Variants in CHL1 observed in about 807,000 individuals in gnomAD.
CHL1 encodes cell adhesion molecule L1 like.
In CHL1, 96 loss-of-function variants were observed where a neutral mutation model predicts 141.9. The observed-to-expected ratio is 0.68, with a 90% CI of 0.57 to 0.80. The LOEUF (loss-of-function observed/expected upper bound fraction) is 0.80. Ranked by LOEUF, CHL1 falls within the 30% of genes least tolerant of loss-of-function variation. CHL1 has a pLI of 0.00. For synonymous variants in CHL1, 613 were observed against 502.2 expected (o/e 1.22, Z -2.95); for missense variants, 1,820 against 1,457.2 (o/e 1.25, Z -4.05).
At position 349,337 on chromosome 3, in the gene CHL1, T is replaced by C. The variant is rs1226780584; in HGVS notation, c.849-22T>C. On this transcript the variant is annotated intron_variant, in intron 9 of 27. Transcript: ENST00000256509. ...CTTTCCGCTTTTAAAAAAATGTTTA[T>C]TTATTTAACTATTTTTTGCAGGCCA... is the stretch of plus-strand genomic sequence containing the variant. 5.0e-6 allele frequency: 8 copies of C among 1,589,670 alleles called. No homozygotes were observed. In the Admixed American group the frequency reaches 5.3e-5, roughly 11 times the overall value.
intron 2 of CHL1, among the ~76,000 whole-genome samples, chr3:278,228 T>G (rs1417977653): frequency 6.6e-6 from 1 of 152,258 alleles, no homozygotes; most frequent in African/African-American, 2.4e-5. Context: ...TGTCTGTGTA[T>G]TTGACCACTG....
intron 24 of CHL1, among the ~76,000 whole-genome samples, chr3:395,644 A>T (rs1708609894): frequency 1.3e-5 from 2 of 152,232 alleles, no homozygotes; most frequent in African/African-American, 4.8e-5. Context: ...GAAAAGAAGG[A>T]TGTAGAAGAT....
chr3:344,450 T>C, intron 8 of CHL1, 139 bp from the exon 9 acceptor site: 1 of 560,944 alleles, frequency 1.8e-6, no homozygotes, highest in Non-Finnish European at 3.0e-6. Context: ...AATGGAAATA[T>C]GTGAAATGTG....
At chr3:367,265 AT>A (rs1705021004) in intron 15 of CHL1, among the ~76,000 whole-genome samples, 1 of 152,214 alleles carries the variant, frequency 6.6e-6, no homozygotes, top group African/African-American at 2.4e-5. Flanking sequence ...CCTCTCATTA[AT>A]TTTGTAATTT....
intron 23 of CHL1, among the ~76,000 whole-genome samples, chr3:393,123 C>T (rs11713232): frequency 2.0e-5 from 3 of 151,458 alleles, no homozygotes; most frequent in African/African-American, 7.3e-5. Flanking sequence ...GTCCCAGCTA[C>T]TCGGGCGGCT....
At chr3:389,532 T>G (rs959048780) in intron 20 of CHL1, 58 bp downstream of exon 20, 200 of 1,304,214 alleles carry the variant, frequency 1.5e-4, no homozygotes, top group Admixed American at 5.4e-4. Flanking sequence ...TCAAATATAT[T>G]GTACTTCAAT....
At chr3:318,989 C>A (rs1385869581) in intron 2 of CHL1, among the ~76,000 whole-genome samples, 1 of 151,518 alleles carries the variant, frequency 6.6e-6, no homozygotes, top group Non-Finnish European at 1.5e-5. Context: ...ATATAAAGAA[C>A]AAAATTGTGT....
At chr3:268,118 T>C (rs573748155) in intron 2 of CHL1, among the ~76,000 whole-genome samples, 29 of 152,350 alleles carry the variant, frequency 1.9e-4, no homozygotes, top group Middle Eastern at 3.4e-3. Context: ...TACAATCCTT[T>C]ACATAAAAAT....
intron 3 of CHL1, 105 bp downstream of exon 3, chr3:319,972 C>CTATATATGGTAGAATATATCTA (rs1207742906): frequency 3.4e-5 from 22 of 651,148 alleles, no homozygotes; most frequent in Non-Finnish European, 5.2e-5. Context: ...TACCATATTT[C>CTATATATGGTAGAATATATCTA]TATATATTCT....
intron 1 of CHL1, among the ~76,000 whole-genome samples, chr3:199,853 T>A (rs1004508832): frequency 6.6e-6 from 1 of 152,188 alleles, no homozygotes; most frequent in Non-Finnish European, 1.5e-5. Flanking sequence ...AAAATAAGGG[T>A]AACGATCAAG....
intron 24 of CHL1, among the ~76,000 whole-genome samples, chr3:397,663 C>T (rs1708787821): frequency 6.6e-6 from 1 of 152,044 alleles, no homozygotes; most frequent in Admixed American, 6.6e-5. Context: ...GTATTAACTT[C>T]TCACACCACT....
At chr3:215,569 A>G (rs558198292) in intron 1 of CHL1, among the ~76,000 whole-genome samples, 4 of 152,328 alleles carry the variant, frequency 2.6e-5, no homozygotes, top group African/African-American at 9.6e-5. Context: ...TTCTCACCAC[A>G]AAGAAATAAT....
intron 4 of CHL1, among the ~76,000 whole-genome samples, chr3:327,162 C>T (rs900759542): frequency 6.6e-6 from 1 of 151,822 alleles, no homozygotes; most frequent in African/African-American, 2.4e-5. Flanking sequence ...GCTGGGTAGG[C>T]CTACTCCTAA....
intron 2 of CHL1, among the ~76,000 whole-genome samples, chr3:259,306 G>C (rs1694482097): frequency 6.6e-6 from 1 of 150,552 alleles, no homozygotes; most frequent in South Asian, 2.2e-4. Flanking sequence ...GTGCGTGCTT[G>C]TGTGTGTGTG....
rs6771803 is a variant in CHL1, at chr3:398,405, T to G, written c.3253+20T>G. On this transcript the variant is annotated intron_variant, in intron 25 of 27. Transcript: ENST00000256509. ...GGAGAGGTGAGAAATGAGATTATAT[T>G]TGGGGAAGTCTTAGTCAATCTATGT... 1 of 1,543,878 alleles carries G rather than the reference T, an allele frequency of 6.5e-7. No homozygotes were observed. The highest frequency in any genetic ancestry group is 2.3e-5 in the East Asian group (1 of 44,376).
intron 1 of CHL1, among the ~76,000 whole-genome samples, chr3:242,552 T>C (rs761621202): frequency 5.6e-4 from 85 of 152,018 alleles, no homozygotes; most frequent in South Asian, 1.7e-3. Flanking sequence ...GCCGAGATTG[T>C]GCCACTGCAC....
chr3:341,232 A>C (rs1702323972), intron 6 of CHL1, among the ~76,000 whole-genome samples: 1 of 152,152 alleles, frequency 6.6e-6, no homozygotes. Flanking sequence ...AATTAGTATT[A>C]ACTTTTTTGC....
intron 2 of CHL1, among the ~76,000 whole-genome samples, chr3:283,454 T>G (rs548235014): frequency 1.3e-5 from 2 of 152,360 alleles, no homozygotes; most frequent in South Asian, 4.1e-4. Context: ...CATGTATCTA[T>G]GAAGTACTTA....
intron 2 of CHL1, among the ~76,000 whole-genome samples, chr3:256,225 A>G (rs1303857770): frequency 1.3e-5 from 2 of 151,424 alleles, no homozygotes; most frequent in Admixed American, 6.6e-5. Flanking sequence ...AAAATATAGT[A>G]TGACTTTGAT....
Sources: gnomAD v4.1 joint callset for allele counts (sites outside exome capture counted in the v4.1 genomes callset) on GRCh38, gnomAD v4.1.1 for gene constraint, MANE v1.5 for transcripts, NCBI Gene and HGNC (gene_info 2026-07-23, HGNC 2026-07-21) for gene names.